Variants in TLE4 observed in about 807,000 individuals in gnomAD.
TLE4 encodes the protein TLE family member 4, transcriptional corepressor, also known as transducin-like enhancer protein 4.
In TLE4, 8 loss-of-function variants were observed where a neutral mutation model predicts 92.8. That is an observed-to-expected ratio of 0.09 (90% CI 0.05 to 0.16). The LOEUF is 0.16. Among genes scored for constraint, TLE4 ranks in the 10% least tolerant of loss-of-function variants. The pLI is 1.00. For synonymous variants in TLE4, 371 were observed against 374.1 expected, an observed-to-expected ratio of 0.99 and a Z score of 0.10; for missense variants, 675 against 997.6, an observed-to-expected ratio of 0.68 and a Z score of 4.36.
chr9:79,655,720 C>T (rs2059686259), intron 8 of TLE4, among the ~76,000 whole-genome samples: 1 of 152,184 alleles, frequency 6.6e-6, no homozygotes. Context: ...TAAGTAAATG[C>T]AGTGGCTAGG....
intron 6 of TLE4, among the ~76,000 whole-genome samples, chr9:79,646,170 T>C (rs1384254705): frequency 6.6e-6 from 1 of 152,206 alleles, no homozygotes; most frequent in Non-Finnish European, 1.5e-5. Flanking sequence ...TAATGTACAT[T>C]TCCCTTCCTT....
Position 79,720,120 on chromosome 9 carries a change from T to G in TLE4, c.1665T>G (p.Ser555Arg). 6.2e-7 allele frequency: 1 copy of G among 1,614,194 alleles called. No homozygotes were observed. The highest frequency in any genetic ancestry group is 8.5e-7 in the Non-Finnish European group (1 of 1,180,034). ...GRTLIVGGEA[S>R]TLSIWDLAAP... is the part of the protein sequence containing the mutation. The stretch of plus-strand genomic sequence containing the variant: ...CCCTAATTGTTGGAGGGGAAGCCAG[T>G]ACTTTGTCCATTTGGGACCTGGCGG... The change falls in exon 16 of 20, where the codon AGT (serine) becomes AGG (arginine). Residue 555 changes from serine to arginine, a missense_variant. Physicochemically the swap from Ser to Arg is moderately radical, Grantham distance 110. Coordinates refer to ENST00000376552, the MANE Select transcript of TLE4 (RefSeq NM_007005.6).
chr9:79,705,224 C>T (rs1000659145), intron 9 of TLE4, among the ~76,000 whole-genome samples: 5 of 152,144 alleles, frequency 3.3e-5, no homozygotes, highest in Admixed American at 2.6e-4. Context: ...AATTGTTAAG[C>T]AGAAAAATAT....
At chr9:79,705,718 C>T (rs2135911558) in intron 9 of TLE4, among the ~76,000 whole-genome samples, 171 bp from the exon 10 acceptor site, 1 of 152,280 alleles carries the variant, frequency 6.6e-6, no homozygotes, top group African/African-American at 2.4e-5. Flanking sequence ...ATATTACCCA[C>T]CTCCATAGCA....
rs1052845009 is a variant in TLE4, at chr9:79,652,566, A to G, written c.391-27A>G. The G allele has an allele frequency of 2.5e-6, 4 of 1,613,354 alleles. No homozygotes were observed. In the African/African-American group the frequency reaches 4.0e-5, roughly 16 times the overall value. ...GGGGTTGGATATGGGGGCAAATTCA[A>G]TATCTGTGTTTAATTTTTCACAGCA... On this transcript the variant is annotated intron_variant, in intron 6 of 19. Transcript: ENST00000376552.
intron 8 of TLE4, among the ~76,000 whole-genome samples, chr9:79,704,422 A>G (rs140075356): frequency 2.0e-5 from 3 of 152,080 alleles, no homozygotes; most frequent in Non-Finnish European, 4.4e-5. Flanking sequence ...CCCTTTCCCA[A>G]GTTTCTAAAG....
rs763127821 is a variant in TLE4, at chr9:79,721,858, G to A, written c.1956G>A (p.Arg652=). The A allele has an allele frequency of 1.2e-6, 2 of 1,613,482 alleles. No homozygotes were observed. Among genetic ancestry groups the A allele is most frequent in the East Asian group, 4.5e-5 (2 of 44,878 alleles). The stretch of plus-strand genomic sequence containing the variant: ...GGTCCTGGGACCTGCGCGAGGGGCG[G>A]CAGCTGCAGCAGCACGACTTCACCT... ...TVRSWDLREG[R]QLQQHDFTSQ... The change falls in exon 17 of 20, where the codon CGG becomes CGA. Residue 652 remains arginine, a synonymous_variant. Transcript: ENST00000376552.
chr9:79,718,822 A>G lies in TLE4; in HGVS notation c.1441A>G (p.Ile481Val), dbSNP rs1332812716. ...GPGIPRHARQ[I>V]NTLNHGEVVC... ...TGGAATCCCCCGGCATGCTCGCCAG[A>G]TCAACACCCTCAACCACGGGGAGGT... is the stretch of plus-strand genomic sequence containing the variant. The change falls in exon 15 of 20, where the codon ATC becomes GTC. Residue 481 changes from isoleucine (I) to valine (V), a missense_variant. Coordinates refer to ENST00000376552, the MANE Select transcript of TLE4 (RefSeq NM_007005.6). The G allele has an allele frequency of 6.2e-7, 1 of 1,614,102 alleles. No individual in the cohort carries two copies. Among genetic ancestry groups the G allele is most frequent in the Admixed American group, 1.7e-5 (1 of 60,018 alleles).
intron 8 of TLE4, among the ~76,000 whole-genome samples, chr9:79,660,486 A>G (rs977052068): frequency 9.2e-5 from 14 of 152,218 alleles, no homozygotes; most frequent in Non-Finnish European, 2.1e-4. Context: ...AACTCTTTCA[A>G]TTTCCCAAAA....
chr9:79,612,598 G>A (rs2133070217), intron 4 of TLE4, 58 bp from the exon 5 acceptor site: 3 of 1,438,036 alleles, frequency 2.1e-6, no homozygotes, highest in African/African-American at 1.4e-5. Flanking sequence ...AATATTTGGG[G>A]AATCTGTAAC....
chr9:79,674,667 G>A (rs2062967314), intron 8 of TLE4, among the ~76,000 whole-genome samples: 1 of 152,154 alleles, frequency 6.6e-6, no homozygotes, highest in Admixed American at 6.6e-5. Context: ...TCTGTCATAT[G>A]TCCTTAGAGT....
intron 6 of TLE4, among the ~76,000 whole-genome samples, chr9:79,650,080 T>A (rs1311877356): frequency 1.3e-5 from 2 of 152,024 alleles, no homozygotes; most frequent in Non-Finnish European, 2.9e-5. Flanking sequence ...CATGCCTAGC[T>A]AATTTTTGTG....
chr9:79,651,968 C>T (rs1253164818), intron 6 of TLE4, among the ~76,000 whole-genome samples: 4 of 151,934 alleles, frequency 2.6e-5, no homozygotes, highest in Non-Finnish European at 5.9e-5. Flanking sequence ...ATAAAAAAAG[C>T]CTTTTATGAG....
chr9:79,575,010 C>T, intron 3 of TLE4, 74 bp downstream of exon 3: 1 of 1,285,580 alleles, frequency 7.8e-7, no homozygotes, highest in Non-Finnish European at 1.1e-6. Flanking sequence ...GTTTAAATTG[C>T]TGGGGGCTGC....
chr9:79,709,770 A>T, intron 14 of TLE4, 71 bp downstream of exon 14: 4 of 1,329,370 alleles, frequency 3.0e-6, no homozygotes, highest in Admixed American at 1.7e-5. Flanking sequence ...GTAGACTTAG[A>T]ATACCACTAG....
Position 79,709,688 on chromosome 9 carries a change from A to C in TLE4, c.1329A>C (p.Pro443=). 1.2e-6 allele frequency: 2 copies of C among 1,614,106 alleles called. No homozygotes were observed. Among genetic ancestry groups the C allele is most frequent in the Non-Finnish European group, 1.7e-6 (2 of 1,179,988 alleles). The change falls in exon 14 of 20, where the codon CCA becomes CCC. Residue 443 remains proline (P), a synonymous_variant. Coordinates refer to ENST00000376552, the MANE Select transcript of TLE4 (RefSeq NM_007005.6). ...PAIPPNLTGI[P]GGKPAYSFHV... Reference sequence around the variant, plus strand: ...TACCTCCAAACCTGACAGGCATTCCAGGAGGAAAACCGTGAGTACCTTTTT... The same window carrying C: ...TACCTCCAAACCTGACAGGCATTCCCGGAGGAAAACCGTGAGTACCTTTTT...
chr9:79,595,820 A>G (rs1176072220), intron 4 of TLE4, among the ~76,000 whole-genome samples: 7 of 150,984 alleles, frequency 4.6e-5, no homozygotes, highest in African/African-American at 1.7e-4. Flanking sequence ...TATCTGAGAG[A>G]ATTTTTGTTT....
chr9:79,654,221 G>T, intron 8 of TLE4, 146 bp downstream of exon 8: 1 of 718,928 alleles, frequency 1.4e-6, no homozygotes. Flanking sequence ...ACTTTCAGGT[G>T]TGTGGTTGAT....
In TLE4 at chr9:79,572,604, G is replaced by C. The variant is rs1284632195; in HGVS notation, c.-187G>C. 2.3e-5 allele frequency: 6 copies of C among 264,868 alleles called. No individual in the cohort carries two copies. The highest frequency in any genetic ancestry group is 3.6e-5 in the Non-Finnish European group (5 of 140,322). 16.4% of individuals were successfully genotyped at this position (264,868 alleles called of 1,614,324 possible). On this transcript the variant is annotated 5_prime_UTR_variant, in exon 1 of 20. Coordinates refer to ENST00000376552, the MANE Select transcript of TLE4 (RefSeq NM_007005.6). ...GGGAATGCGGAGCGGCCCGGCAGCC[G>C]GCACCCAGCCGCCGCCGCGCGTTCC... is the stretch of plus-strand genomic sequence containing the variant.
Sources: allele counts gnomAD v4.1 joint callset (sites outside exome capture counted in the v4.1 genomes callset), GRCh38; gene constraint gnomAD v4.1.1; transcripts MANE v1.5; gene names NCBI Gene and HGNC (gene_info 2026-07-23, HGNC 2026-07-21).